ZNF232: variants seen among roughly 807,000 people sequenced by gnomAD.
The protein encoded by ZNF232 is zinc finger and SCAN domain-containing protein 11.
A neutral mutation model predicts 25.2 loss-of-function variants in ZNF232; 25 were observed. That is an observed-to-expected ratio of 0.99 (90% CI 0.72 to 1.39). The LOEUF (loss-of-function observed/expected upper bound fraction) is 1.39. ZNF232 is among the 40% of genes most tolerant of loss of function. The pLI is 0.00. For synonymous variants in ZNF232, 193 were observed against 182.9 expected, an observed-to-expected ratio of 1.06 and a Z score of -0.45; for missense variants, 519 against 520.9, an observed-to-expected ratio of 1.00 and a Z score of 0.04.
At chr17:5,106,088 T>C (rs1360396541) in exon 4 of ZNF232, 2 of 1,614,002 alleles carry the variant, frequency 1.2e-6, no homozygotes, top group Non-Finnish European at 1.7e-6. Flanking sequence ...ATTCGAAGGG[T>C]TTCTCTCCTG....
At chr17:5,120,028 C>T (rs1277867484) in intron 1 of ZNF232, among the ~76,000 whole-genome samples, 6 of 152,098 alleles carry the variant, frequency 3.9e-5, no homozygotes, top group East Asian at 3.8e-4. Context: ...AAGGTCCTGC[C>T]GGGGCAGTCA....
At chr17:5,109,197 C>T (rs1179186634) in intron 2 of ZNF232, 145 bp from the exon 3 acceptor site, 1 of 1,317,782 alleles carries the variant, frequency 7.6e-7, no homozygotes, top group Non-Finnish European at 1.1e-6. Context: ...AGAGTCAGCA[C>T]AAGGGAAGAA....
chr17:5,111,974 C>G (rs1456720379), upstream of ZNF232: 2 of 1,183,630 alleles, frequency 1.7e-6, no homozygotes, highest in African/African-American at 1.6e-5. Context: ...TGGGCGCTGC[C>G]GAGAGGCTGG....
intron 1 of ZNF232, chr17:5,111,472 A>C: frequency 2.2e-6 from 1 of 447,744 alleles, no homozygotes. Flanking sequence ...TGGCCCCAGC[A>C]AAACTTCTCT....
At chr17:5,108,809 T>C in intron 3 of ZNF232, 117 bp downstream of exon 3, 1 of 1,494,542 alleles carries the variant, frequency 6.7e-7, no homozygotes, top group South Asian at 1.2e-5. Flanking sequence ...ATAGTAAGGC[T>C]GTGATGATAC....
upstream of ZNF232, chr17:5,111,970 C>G: frequency 8.3e-7 from 1 of 1,206,574 alleles, no homozygotes; most frequent in Non-Finnish European, 1.1e-6. Flanking sequence ...CGCGTGGGCG[C>G]TGCCGAGAGG....
chr17:5,106,736 A>T (rs541193616), intron 3 of ZNF232, among the ~76,000 whole-genome samples: 1 of 152,092 alleles, frequency 6.6e-6, no homozygotes, highest in Non-Finnish European at 1.5e-5. Context: ...TTTTTCCCCT[A>T]ATTTCTCCAT....
Position 5,109,386 on chromosome 17 carries a change from C to A in ZNF232, c.498+8G>T. The A allele has an allele frequency of 6.2e-7, 1 of 1,614,118 alleles. No homozygotes were observed. Among genetic ancestry groups the A allele is most frequent in the Non-Finnish European group, 8.5e-7 (1 of 1,180,002 alleles). On this transcript the variant is annotated splice_region_variant and intron_variant, in intron 2 of 3. Coordinates refer to ENST00000575898, the Ensembl canonical transcript of ZNF232. ...GGCTCCCATAACAGACCAAATCCCCCTTCCCACCTGCGGCTCTGGTTCAAG... is the reference window on the plus strand; with the variant it reads ...GGCTCCCATAACAGACCAAATCCCCATTCCCACCTGCGGCTCTGGTTCAAG...
At chr17:5,106,567 A>G in intron 3 of ZNF232, 34 bp from the exon 4 acceptor site, 1 of 1,522,754 alleles carries the variant, frequency 6.6e-7, no homozygotes, top group Non-Finnish European at 8.9e-7. Context: ...TTAGATTAAA[A>G]TGTATATTTC....
chr17:5,112,097 C>A (rs1196093195), upstream of ZNF232: 5 of 557,578 alleles, frequency 9.0e-6, no homozygotes, highest in Non-Finnish European at 1.6e-5. Context: ...GCAGTCCTTG[C>A]GCAGGTGGAG....
chr17:5,121,425 C>T lies in ZNF232; in HGVS notation c.-530+1552G>A, dbSNP rs572195006. On this transcript the variant is annotated intron_variant, in intron 1 of 4. Transcript: ENST00000250076. ...CCACCAACACAGAGGCCCTGCAGAG[C>T]GGCAGGATAGAGATATGGAGCTCTA... 1.3e-3 allele frequency: 400 copies of T among 315,058 alleles called. 3 individuals are homozygous for T. The highest frequency in any genetic ancestry group is 2.2e-3 in the Middle Eastern group (2 of 902). 19.5% of individuals were successfully genotyped at this position (315,058 alleles called of 1,614,324 possible). A position where few individuals can be genotyped will look rare whatever the true frequency, so the allele number is the denominator to read the frequency against.
chr17:5,109,869 CT>C lies in ZNF232; in HGVS notation c.24-2del. ...CCAGCTGGAATCTTGCAAGGGCCCCCTGTAACATAAGAAGAAATCATTCCTC... is the reference window on the plus strand; with the variant it reads ...CCAGCTGGAATCTTGCAAGGGCCCCCGTAACATAAGAAGAAATCATTCCTC... On this transcript the variant is annotated splice_acceptor_variant, in intron 1 of 3. Coordinates refer to ENST00000575898, the Ensembl canonical transcript of ZNF232. LOFTEE classifies it high-confidence loss of function. 6.3e-7 allele frequency: 1 copy of C among 1,591,602 alleles called. No individual in the cohort carries two copies. Among genetic ancestry groups the C allele is most frequent in the Non-Finnish European group, 8.5e-7 (1 of 1,172,428 alleles).
intron 3 of ZNF232, 104 bp from the exon 4 acceptor site, chr17:5,106,637 T>C (rs142241491): frequency 0.01 from 10,210 of 987,804 alleles, 76 homozygotes; most frequent in Middle Eastern, 0.013. Context: ...GAAGAATATT[T>C]ACTGGATATT....
At chr17:5,115,790 C>T (rs1166875639), upstream of ZNF232, among the ~76,000 whole-genome samples, 1 of 152,232 alleles carries the variant, frequency 6.6e-6, no homozygotes, top group Non-Finnish European at 1.5e-5. Context: ...GCACTCGTGC[C>T]TCACAGATGG....
Position 5,109,474 on chromosome 17 carries a change from G to A in ZNF232, c.418C>T (p.Arg140Trp), listed in dbSNP as rs139310289. 31 of 1,613,912 alleles carry A rather than the reference G, an allele frequency of 1.9e-5. No individual in the cohort carries two copies. In the South Asian group the frequency reaches 2.4e-4, roughly 13 times the overall value. ...TCTCCACTCTTAGGGTGATGTCCCC[G>A]CACCCAGGATTGGAGCTCCTCAGGC... Residue 140 changes from arginine (R) to tryptophan (W), a missense_variant, in exon 2 of 4, where the codon CGG becomes TGG. Arg to Trp is a moderately radical substitution (Grantham distance 101). Transcript: ENST00000575898.
chr17:5,112,500 G>A (rs1392011910), upstream of ZNF232: 2 of 151,822 alleles, frequency 1.3e-5, no homozygotes, highest in African/African-American at 4.8e-5. Context: ...CGCCCAGGCT[G>A]GAGTGCAGTG....
chr17:5,108,238 C>CG (rs1218156718), intron 3 of ZNF232, among the ~76,000 whole-genome samples: 2 of 152,140 alleles, frequency 1.3e-5, no homozygotes, highest in African/African-American at 4.8e-5. Context: ...ATTCACAATA[C>CG]GGTCACAAGG....
chr17:5,108,492 A>G (rs964614480), intron 3 of ZNF232, among the ~76,000 whole-genome samples: 3 of 152,198 alleles, frequency 2.0e-5, no homozygotes, highest in East Asian at 1.9e-4. Context: ...TATGGCTTAA[A>G]AAGTGTTTTG....
rs559015927 is a variant in ZNF232 at position 5,122,363 on chromosome 17, T to C, written c.-530+614A>G. On this transcript the variant is annotated intron_variant, in intron 1 of 4. Coordinates refer to the ZNF232 transcript ENST00000250076. ...ATCAGCCACAGGGTGAAGAGCAAGG[T>C]GGGTGGTGGTCGGGTTTGCAGGTGG... is the stretch of plus-strand genomic sequence containing the variant. Among the ~76,000 whole-genome samples the C allele has an allele frequency of 4.6e-5, 7 of 152,134 alleles. No individual in the cohort carries two copies. The South Asian group carries it at 1.5e-3, about 32-fold the overall frequency.
Sources: gnomAD v4.1 joint callset for allele counts (sites outside exome capture counted in the v4.1 genomes callset) on GRCh38, gnomAD v4.1.1 for gene constraint, MANE v1.5 for transcripts, NCBI Gene and HGNC (gene_info 2026-07-23, HGNC 2026-07-21) for gene names.